Variants in CPQ observed in about 807,000 individuals in gnomAD.
CPQ encodes the protein Ser-Met dipeptidase.
CPQ carries 37 observed loss-of-function variants against 45.7 expected under a neutral mutation model. That is an observed-to-expected ratio of 0.81 (90% CI 0.62 to 1.07). The LOEUF (loss-of-function observed/expected upper bound fraction) is 1.07. Among genes scored for constraint, CPQ ranks in the 50% least tolerant of loss-of-function variants. CPQ has a pLI of 0.00. For synonymous variants in CPQ, 186 were observed against 205.8 expected (o/e 0.90, Z 0.82); for missense variants, 537 against 572.9 (o/e 0.94, Z 0.64).
At chr8:97,051,832 C>T (rs915370952) in intron 6 of CPQ, among the ~76,000 whole-genome samples, 2 of 152,188 alleles carry the variant, frequency 1.3e-5, no homozygotes, top group African/African-American at 2.4e-5. Flanking sequence ...CCTCCTTTTG[C>T]TCCCCAGTGG....
chr8:96,887,920 T>A (rs116920331), intron 4 of CPQ, among the ~76,000 whole-genome samples: 2,521 of 152,304 alleles, frequency 0.017, 39 homozygotes, highest in South Asian at 0.028. Flanking sequence ...GCCAGTATTA[T>A]TTTAAATATA....
chr8:97,010,903 A>G lies in CPQ; in HGVS notation c.962-18500A>G, dbSNP rs535324737. On this transcript the variant is annotated intron_variant, in intron 5 of 7. Coordinates refer to ENST00000220763, the MANE Select transcript of CPQ (RefSeq NM_016134.4). The stretch of plus-strand genomic sequence containing the variant: ...ATTTAATATTTGGAGCTTTTATTTT[A>G]CAATCATCTTGACAGTAATATTTTT... Among the ~76,000 whole-genome samples the G allele has an allele frequency of 1.8e-4, 28 of 152,276 alleles. No individual in the cohort carries two copies. In the South Asian group the frequency reaches 5.8e-3, roughly 32 times the overall value.
At chr8:96,712,697 C>T (rs1809627807) in intron 1 of CPQ, among the ~76,000 whole-genome samples, 2 of 152,128 alleles carry the variant, frequency 1.3e-5, no homozygotes, top group African/African-American at 4.8e-5. Flanking sequence ...AGCATGGGGG[C>T]CCTGTACATG....
At chr8:96,856,202 G>A (rs181763868) in intron 3 of CPQ, among the ~76,000 whole-genome samples, 10 of 152,184 alleles carry the variant, frequency 6.6e-5, no homozygotes, top group African/African-American at 1.9e-4. Context: ...ACTGCCCAGC[G>A]GGACACAGAT....
At chr8:96,928,465 A>G (rs778657052) in intron 4 of CPQ, among the ~76,000 whole-genome samples, 8 of 151,624 alleles carry the variant, frequency 5.3e-5, no homozygotes, top group Non-Finnish European at 8.8e-5. Flanking sequence ...AGGGAGAGAG[A>G]GACCTTGTGT....
At chr8:96,786,110 C>T (rs1255278394) in intron 2 of CPQ, among the ~76,000 whole-genome samples, 1 of 152,060 alleles carries the variant, frequency 6.6e-6, no homozygotes, top group African/African-American at 2.4e-5. Context: ...GTGCAGCCAC[C>T]ACAATCTAAT....
At chr8:96,647,063 T>C (rs1452962174) in intron 1 of CPQ, among the ~76,000 whole-genome samples, 1 of 152,248 alleles carries the variant, frequency 6.6e-6, no homozygotes, top group Non-Finnish European at 1.5e-5. Flanking sequence ...TGCATCACTA[T>C]TTCTTCGCAT....
intron 4 of CPQ, among the ~76,000 whole-genome samples, chr8:96,915,297 T>G (rs1008192215): frequency 6.6e-6 from 1 of 152,052 alleles, no homozygotes; most frequent in Non-Finnish European, 1.5e-5. Flanking sequence ...ATTCCAGGAG[T>G]GTACACATTC....
intron 2 of CPQ, among the ~76,000 whole-genome samples, chr8:96,834,124 C>T (rs547844227): frequency 1.3e-5 from 2 of 152,150 alleles, no homozygotes; most frequent in Non-Finnish European, 2.9e-5. Context: ...TTTACTCTAA[C>T]TACTCCATCA....
chr8:96,813,556 G>A (rs1016424060), intron 2 of CPQ, among the ~76,000 whole-genome samples: 1 of 152,110 alleles, frequency 6.6e-6, no homozygotes, highest in Non-Finnish European at 1.5e-5. Context: ...AAGACAGGTA[G>A]GAATTAAATG....
At chr8:96,672,208 T>A (rs1391409059) in intron 1 of CPQ, among the ~76,000 whole-genome samples, 2 of 152,204 alleles carry the variant, frequency 1.3e-5, no homozygotes, top group African/African-American at 4.8e-5. Context: ...ACTTTGTTCC[T>A]TGACAGGGCT....
chr8:96,658,547 A>G (rs1815663286), intron 1 of CPQ, among the ~76,000 whole-genome samples: 1 of 152,256 alleles, frequency 6.6e-6, no homozygotes. Context: ...ATGTTAGATT[A>G]CATTGCAAAG....
chr8:96,921,927 G>A (rs1162279891), intron 4 of CPQ, among the ~76,000 whole-genome samples: 1 of 152,100 alleles, frequency 6.6e-6, no homozygotes, highest in Non-Finnish European at 1.5e-5. Flanking sequence ...GGGGACATTT[G>A]AGTAATAACT....
chr8:97,050,290 G>A (rs902797271), intron 6 of CPQ, among the ~76,000 whole-genome samples: 2 of 152,180 alleles, frequency 1.3e-5, no homozygotes, highest in African/African-American at 4.8e-5. Flanking sequence ...GTTGATACCA[G>A]TGTAAATAAG....
intron 6 of CPQ, among the ~76,000 whole-genome samples, chr8:97,048,743 A>C (rs1390722884): frequency 1.3e-5 from 2 of 152,244 alleles, no homozygotes; most frequent in Non-Finnish European, 2.9e-5. Flanking sequence ...GGTGGAACGG[A>C]AAATGAGAAT....
rs1812201091 is a variant in CPQ at position 97,143,438 on chromosome 8, C to T, written c.*255C>T. 3.3e-6 allele frequency: 1 copy of T among 301,180 alleles called. No homozygotes were observed. Among genetic ancestry groups the T allele is most frequent in the Admixed American group, 4.7e-5 (1 of 21,090 alleles). 18.7% of individuals were successfully genotyped at this position (301,180 alleles called of 1,614,324 possible). ...ACAGTGGGGGCATTTCTTTATATCACCTCTTAAAAACATTGTTTCCACTTT... is the reference window on the plus strand; with the variant it reads ...ACAGTGGGGGCATTTCTTTATATCATCTCTTAAAAACATTGTTTCCACTTT... On this transcript the variant is annotated 3_prime_UTR_variant, in exon 8 of 8. Transcript: ENST00000220763.
intron 4 of CPQ, among the ~76,000 whole-genome samples, chr8:96,893,734 A>G (rs1228702676): frequency 6.6e-6 from 1 of 152,212 alleles, no homozygotes; most frequent in Non-Finnish European, 1.5e-5. Flanking sequence ...AATTTTATAT[A>G]GCATAAAATA....
chr8:97,047,876 CT>C (rs1489925088), intron 6 of CPQ, among the ~76,000 whole-genome samples: 1 of 152,208 alleles, frequency 6.6e-6, no homozygotes, highest in Non-Finnish European at 1.5e-5. Flanking sequence ...ACATTTCTCA[CT>C]GCCTTCATCT....
At chr8:96,723,215 C>T (rs986212858) in intron 1 of CPQ, among the ~76,000 whole-genome samples, 13 of 151,892 alleles carry the variant, frequency 8.6e-5, no homozygotes, top group African/African-American at 2.9e-4. Context: ...AAAATTGGGT[C>T]TACTGGTTTT....
Sources: gnomAD v4.1 joint callset for allele counts (sites outside exome capture counted in the v4.1 genomes callset) on GRCh38, gnomAD v4.1.1 for gene constraint, MANE v1.5 for transcripts, NCBI Gene and HGNC (gene_info 2026-07-23, HGNC 2026-07-21) for gene names.